LIPJ: variants seen among roughly 807,000 people sequenced by gnomAD.
LIPJ encodes lipase member J.
In LIPJ, 33 loss-of-function variants were observed where a neutral mutation model predicts 39.8. The ratio of observed to expected loss-of-function variants is 0.83; its 90% CI spans 0.63 to 1.11. The LOEUF is 1.11. Ranked by LOEUF, LIPJ falls within the 50% of genes least tolerant of loss-of-function variation. The pLI, the probability that LIPJ is intolerant of heterozygous loss-of-function variation, is 0.00. For missense variants in LIPJ, 422 were observed against 427.9 expected, an observed-to-expected ratio of 0.99 and a Z score of 0.12; for synonymous variants, 128 against 139.2, an observed-to-expected ratio of 0.92 and a Z score of 0.57.
intron 4 of LIPJ, 36 bp downstream of exon 4, chr10:88,591,534 G>A: frequency 6.4e-7 from 1 of 1,558,714 alleles, no homozygotes. Context: ...GTGACAATCT[G>A]GGGCCTGAAG....
rs1771858200 is a variant in LIPJ, at chr10:88,605,718, T to C, written c.867+14T>C. On this transcript the variant is annotated intron_variant, in intron 10 of 10. Transcript: ENST00000371939. The stretch of plus-strand genomic sequence containing the variant: ...CATTATAATCAGGTACATAATTCTC[T>C]ATAAAAACTCTCTACCTTACTGACT... 3 of 1,557,750 alleles carry C rather than the reference T, an allele frequency of 1.9e-6. No homozygotes were observed. The highest frequency in any genetic ancestry group is 8.8e-7 in the Non-Finnish European group (1 of 1,130,460).
At chr10:88,618,568 T>C in the LIPJ span, 1 of 152,514 alleles carries the variant, frequency 6.6e-6, no homozygotes. Context: ...AGCATATTCA[T>C]TGAGGCCTTG....
chr10:88,593,648 G>T (rs1263445891), intron 4 of LIPJ: 3 of 212,498 alleles, frequency 1.4e-5, no homozygotes, highest in Non-Finnish European at 2.8e-5. Flanking sequence ...TACTTAAAAT[G>T]TGTATGAGTG....
chr10:88,594,838 T>A, intron 6 of LIPJ, 62 bp downstream of exon 6: 1 of 736,802 alleles, frequency 1.4e-6, no homozygotes. Flanking sequence ...GTGCATATAC[T>A]TCTTAAAGTT....
chr10:88,620,643 C>G, the LIPJ span, among the ~76,000 whole-genome samples: 1 of 152,142 alleles, frequency 6.6e-6, no homozygotes, highest in East Asian at 1.9e-4. Flanking sequence ...CCTCACAATA[C>G]CAAGTGTTAG....
intron 4 of LIPJ, chr10:88,593,074 G>A (rs1208430429): frequency 6.6e-6 from 1 of 151,882 alleles, no homozygotes; most frequent in Non-Finnish European, 1.5e-5. Context: ...ATGACTCAGT[G>A]GATCTCCTGA....
At chr10:88,586,674 C>T (rs1009183661), upstream of LIPJ, 1 of 152,014 alleles carries the variant, frequency 6.6e-6, no homozygotes, top group African/African-American at 2.4e-5. Flanking sequence ...TATTGTTTAT[C>T]CTACTAGAAT....
chr10:88,596,755 C>T, intron 7 of LIPJ, 35 bp from the exon 8 acceptor site: 1 of 1,540,778 alleles, frequency 6.5e-7, no homozygotes, highest in Non-Finnish European at 8.9e-7. Context: ...TTATTGTGGT[C>T]ATCCAAATGT....
chr10:88,614,884 G>A, the LIPJ span, among the ~76,000 whole-genome samples: 1 of 152,176 alleles, frequency 6.6e-6, no homozygotes, highest in South Asian at 2.1e-4. Context: ...TAGAAGCAGA[G>A]TCATACATGT....
downstream of LIPJ, among the ~76,000 whole-genome samples, chr10:88,611,109 A>T (rs1283314665): frequency 6.6e-6 from 1 of 152,176 alleles, no homozygotes; most frequent in Non-Finnish European, 1.5e-5. Flanking sequence ...GACACTCCCC[A>T]GTACCAGCCT....
At chr10:88,584,370 AAAATAC>A (rs1850832133), upstream of LIPJ, 1 of 152,218 alleles carries the variant, frequency 6.6e-6, no homozygotes, top group Admixed American at 6.5e-5. Flanking sequence ...TACACAAAAC[AAAATAC>A]AAATAGTAAA....
upstream of LIPJ, chr10:88,586,755 A>G (rs1850928978): frequency 6.6e-6 from 1 of 152,188 alleles, no homozygotes; most frequent in Admixed American, 6.5e-5. Context: ...TCAAAGTTAG[A>G]ATTCTCAGAG....
the LIPJ span, among the ~76,000 whole-genome samples, chr10:88,615,377 C>T: frequency 6.6e-6 from 1 of 151,748 alleles, no homozygotes; most frequent in African/African-American, 2.4e-5. Flanking sequence ...CCTAACAGAC[C>T]CCTGTCTCTA....
the LIPJ span, chr10:88,618,846 G>T: frequency 1.2e-5 from 2 of 160,790 alleles, no homozygotes; most frequent in South Asian, 3.4e-4. Context: ...TAGGCATTTT[G>T]ATCTTCAGCT....
intron 10 of LIPJ, 32 bp from the exon 11 acceptor site, chr10:88,606,642 T>A (rs1851672657): frequency 7.3e-7 from 1 of 1,362,512 alleles, no homozygotes; most frequent in South Asian, 1.2e-5. Context: ...TCATCTCCTA[T>A]GAAAACTATT....
exon 8 of LIPJ, chr10:88,596,854 T>C: frequency 1.3e-6 from 2 of 1,599,534 alleles, no homozygotes; most frequent in Non-Finnish European, 1.7e-6. Context: ...GGTTCAAAGC[T>C]GTGTCCACTA....
At chr10:88,608,067 T>C (rs2134591760), downstream of LIPJ, among the ~76,000 whole-genome samples, 1 of 152,338 alleles carries the variant, frequency 6.6e-6, no homozygotes, top group South Asian at 2.1e-4. Flanking sequence ...TAACAAGGCC[T>C]GTCCTCAGAA....
At chr10:88,614,240 T>G in the LIPJ span, among the ~76,000 whole-genome samples, 1 of 152,040 alleles carries the variant, frequency 6.6e-6, no homozygotes, top group Non-Finnish European at 1.5e-5. Context: ...GTGAAATATT[T>G]ACAAAAGAAA....
the LIPJ span, among the ~76,000 whole-genome samples, chr10:88,622,396 A>C: frequency 6.6e-6 from 1 of 152,162 alleles, no homozygotes; most frequent in African/African-American, 2.4e-5. Flanking sequence ...TAAAGTACTG[A>C]CGGAAAATAT....
Sources: allele counts gnomAD v4.1 joint callset (sites outside exome capture counted in the v4.1 genomes callset), GRCh38; gene constraint gnomAD v4.1.1; transcripts MANE v1.5; gene names NCBI Gene and HGNC (gene_info 2026-07-23, HGNC 2026-07-21).